The following ME3 variants were observed in gnomAD, a reference collection of about 807,000 sequenced individuals.
ME3 encodes malic enzyme 3.
ME3 carries 48 observed loss-of-function variants against 68.9 expected under a neutral mutation model. That is an observed-to-expected ratio of 0.70 (90% CI 0.55 to 0.89). ME3 has a LOEUF of 0.89. Among genes scored for constraint, ME3 ranks in the 40% least tolerant of loss-of-function variants. ME3 has a pLI of 0.00. For synonymous variants in ME3, 320 were observed against 318.8 expected, an observed-to-expected ratio of 1.00 and a Z score of -0.04; for missense variants, 675 against 797.4, an observed-to-expected ratio of 0.85 and a Z score of 1.85.
intron 5 of ME3, among the ~76,000 whole-genome samples, chr11:86,500,109 T>G (rs75935000): frequency 0.029 from 4,453 of 152,314 alleles, 140 homozygotes; most frequent in African/African-American, 0.076. Context: ...CTCCTCTTGG[T>G]AGATCTCCCT....
Position 86,672,214 on chromosome 11 carries a change from G to A in ME3, c.-15+110C>T, listed in dbSNP as rs574101931. 12 of 404,388 alleles carry A rather than the reference G, an allele frequency of 3.0e-5. No individual in the cohort carries two copies. In the East Asian group the frequency reaches 4.4e-4, roughly 15 times the overall value. 25.0% of individuals were successfully genotyped at this position (404,388 alleles called of 1,614,324 possible). A position where few individuals can be genotyped will look rare whatever the true frequency, so the allele number is the denominator to read the frequency against. ...AGATCCGGTGCGGGTGACAGCCGGC[G>A]CCACCCCTGCCCCCATCCCTGTGAA... On this transcript the variant is annotated intron_variant, in intron 1 of 14. Coordinates refer to ENST00000543262, the Ensembl canonical transcript of ME3.
intron 2 of ME3, among the ~76,000 whole-genome samples, chr11:86,620,832 C>G (rs575692970): frequency 1.3e-5 from 2 of 152,242 alleles, no homozygotes; most frequent in South Asian, 2.1e-4. Flanking sequence ...TTTGCTAATT[C>G]AGCCAATCTC....
At chr11:86,544,565 TA>T (rs1227596848) in intron 4 of ME3, among the ~76,000 whole-genome samples, 3 of 152,168 alleles carry the variant, frequency 2.0e-5, no homozygotes, top group African/African-American at 7.2e-5. Flanking sequence ...AAGAAATTGA[TA>T]AATTCTTGAA....
chr11:86,457,934 A>G (rs755791429), intron 8 of ME3, among the ~76,000 whole-genome samples: 1 of 152,242 alleles, frequency 6.6e-6, no homozygotes, highest in African/African-American at 2.4e-5. Context: ...AGGAGTTGCC[A>G]TGCTGAACAA....
intron 2 of ME3, among the ~76,000 whole-genome samples, chr11:86,662,272 G>C (rs751327619): frequency 6.6e-5 from 10 of 152,158 alleles, no homozygotes; most frequent in Non-Finnish European, 1.3e-4. Context: ...ACTATGAGTT[G>C]TATGACCTAG....
chr11:86,620,860 C>T (rs1405339878), intron 2 of ME3, among the ~76,000 whole-genome samples: 1 of 152,172 alleles, frequency 6.6e-6, no homozygotes, highest in African/African-American at 2.4e-5. Context: ...TCTAGGGCCT[C>T]AGTCCAGTTT....
intron 3 of ME3, 22 bp from the exon 4 acceptor site, chr11:86,556,724 C>G (rs946265404): frequency 3.1e-6 from 5 of 1,612,098 alleles, no homozygotes; most frequent in Non-Finnish European, 4.2e-6. Context: ...AGAGAAAAAG[C>G]AAGCTGACAT....
intron 8 of ME3, among the ~76,000 whole-genome samples, chr11:86,451,910 G>A (rs1292734163): frequency 6.6e-6 from 1 of 152,220 alleles, no homozygotes; most frequent in African/African-American, 2.4e-5. Flanking sequence ...CCACTCAGGA[G>A]CAGCTGGCTT....
chr11:86,450,133 C>T (rs1196168726), intron 9 of ME3, 131 bp from the exon 10 acceptor site: 2 of 967,008 alleles, frequency 2.1e-6, no homozygotes, highest in East Asian at 2.6e-5. Context: ...CAATTAAGTC[C>T]TTGCCTTGAG....
chr11:86,656,982 G>T (rs71315627), intron 2 of ME3, among the ~76,000 whole-genome samples: 1 of 152,182 alleles, frequency 6.6e-6, no homozygotes, highest in African/African-American at 2.4e-5. Flanking sequence ...ATGCTGGAGA[G>T]GATGTGGAGA....
At chr11:86,438,635 T>A (rs891440735), downstream of ME3, among the ~76,000 whole-genome samples, 11 of 152,310 alleles carry the variant, frequency 7.2e-5, no homozygotes, top group Non-Finnish European at 1.5e-4. Flanking sequence ...AATTACTAAT[T>A]TCTTTACTTA....
chr11:86,487,255 A>G (rs1951746172), intron 7 of ME3, 82 bp downstream of exon 7: 2 of 1,161,714 alleles, frequency 1.7e-6, no homozygotes, highest in South Asian at 1.3e-5. Context: ...TTTACTTTGT[A>G]TATCAGCCAA....
chr11:86,477,551 A>G (rs1411953099), intron 7 of ME3, among the ~76,000 whole-genome samples: 1 of 152,128 alleles, frequency 6.6e-6, no homozygotes, highest in African/African-American at 2.4e-5. Context: ...ATATTCCTTC[A>G]TCTCTTCTGC....
chr11:86,580,549 T>C (rs1395395571), intron 2 of ME3, among the ~76,000 whole-genome samples: 1 of 152,166 alleles, frequency 6.6e-6, no homozygotes, highest in Non-Finnish European at 1.5e-5. Context: ...ATTTTATAAC[T>C]TAAATTAATA....
intron 2 of ME3, among the ~76,000 whole-genome samples, chr11:86,572,762 T>C (rs1957871898): frequency 6.6e-6 from 1 of 152,202 alleles, no homozygotes; most frequent in Non-Finnish European, 1.5e-5. Flanking sequence ...GTCTTTATAG[T>C]AGAATGATTT....
intron 2 of ME3, among the ~76,000 whole-genome samples, chr11:86,588,992 T>G (rs1565177548): frequency 6.6e-6 from 1 of 152,184 alleles, no homozygotes; most frequent in Non-Finnish European, 1.5e-5. Flanking sequence ...CTCCATGCAC[T>G]CTGCACCACT....
intron 2 of ME3, among the ~76,000 whole-genome samples, chr11:86,590,568 C>G (rs1290993648): frequency 6.6e-6 from 1 of 152,166 alleles, no homozygotes; most frequent in Non-Finnish European, 1.5e-5. Context: ...ATGGAGGCAC[C>G]AGCCACAGAG....
intron 2 of ME3, among the ~76,000 whole-genome samples, chr11:86,580,266 G>T (rs1467415460): frequency 6.6e-6 from 1 of 152,300 alleles, no homozygotes; most frequent in African/African-American, 2.4e-5. Context: ...GAGACCTGCA[G>T]AGTGACCTCT....
intron 8 of ME3, chr11:86,464,115 T>A (rs1173580943): frequency 4.4e-6 from 2 of 451,790 alleles, no homozygotes; most frequent in Non-Finnish European, 8.9e-6. Context: ...TCTTTGGGCC[T>A]CTGGAGAAGT....
Sources: allele counts gnomAD v4.1 joint callset (sites outside exome capture counted in the v4.1 genomes callset), GRCh38; gene constraint gnomAD v4.1.1; transcripts MANE v1.5; gene names NCBI Gene and HGNC (gene_info 2026-07-23, HGNC 2026-07-21).